The following CALN1 variants were observed in gnomAD, a reference collection of about 807,000 sequenced individuals.
CALN1 encodes the protein calcium-binding protein 8.
CALN1 carries 17 observed loss-of-function variants against 30.6 expected under a neutral mutation model. That is an observed-to-expected ratio of 0.56 (90% CI 0.38 to 0.83). The LOEUF is 0.83. CALN1 is among the 40% of genes least tolerant of loss of function. The probability of loss-of-function intolerance (pLI) is 0.00; values close to 1 mark genes in which losing one functional copy is unlikely to be tolerated. For missense variants in CALN1, 291 were observed against 354.9 expected (o/e 0.82, Z 1.45); for synonymous variants, 156 against 131.4 (o/e 1.19, Z -1.28).
At chr7:72,181,124 AT>A (rs34674449) in intron 3 of CALN1, among the ~76,000 whole-genome samples, 12 of 119,502 alleles carry the variant, frequency 1.0e-4, no homozygotes, top group Middle Eastern at 3.8e-3. Context: ...AAAAAAAAAA[AT>A]TTTTGGTACC....
intron 4 of CALN1, among the ~76,000 whole-genome samples, chr7:72,054,458 C>CAT (rs140183098): frequency 5.3e-4 from 68 of 129,040 alleles, no homozygotes; most frequent in African/African-American, 1.6e-3. Context: ...CATATATATA[C>CAT]ATATATATAC....
At chr7:72,472,500 C>T in the CALN1 span, among the ~76,000 whole-genome samples, 16 of 152,240 alleles carry the variant, frequency 1.1e-4, no homozygotes, top group South Asian at 1.9e-3. Flanking sequence ...AGGTGTGTCT[C>T]GAGGCCTGGC....
rs537589480 is a variant in CALN1 at position 72,184,476 on chromosome 7, T to C, written c.245-78182A>G. Among the ~76,000 whole-genome samples, 12 of 152,350 alleles carry C rather than the reference T, an allele frequency of 7.9e-5. No homozygotes were observed. The East Asian group carries it at 1.9e-3, about 24-fold the overall frequency. Reference sequence around the variant, plus strand: ...TGTATAATTTATGACATGTGAGCAATATAGGAGTTAACATAGTTAAGGTGC... The same window carrying C: ...TGTATAATTTATGACATGTGAGCAACATAGGAGTTAACATAGTTAAGGTGC... On this transcript the variant is annotated intron_variant, in intron 3 of 6. Transcript: ENST00000395275.
intron 5 of CALN1, among the ~76,000 whole-genome samples, chr7:71,909,043 G>T (rs13229182): frequency 0.086 from 13,047 of 152,188 alleles, 963 homozygotes; most frequent in East Asian, 0.42. Flanking sequence ...GGCAGACAAG[G>T]TCTTGCTCTG....
chr7:71,810,337 T>C lies in CALN1; in HGVS notation c.657A>G (p.Gly219=), dbSNP rs766033188. Residue 219 remains glycine, a splice_region_variant and synonymous_variant, in exon 6 of 7, where the codon GGA becomes GGG. Coordinates refer to ENST00000395275, the MANE Select transcript of CALN1 (RefSeq NM_031468.4). The part of the protein sequence containing the change: ...TSGNCQTEFE[G]VHSQKQNRQT... ...GGGGATGGCAGCAGGGGCACCTACC[T>C]CCTTCAAACTCTGTTTGGCAGTTCC... 15 of 1,613,584 alleles carry C rather than the reference T, an allele frequency of 9.3e-6. No individual in the cohort carries two copies. Among genetic ancestry groups the C allele is most frequent in the African/African-American group, 1.3e-5 (1 of 75,020 alleles).
At chr7:72,385,067 G>C (rs534564859) in intron 2 of CALN1, among the ~76,000 whole-genome samples, 3 of 152,152 alleles carry the variant, frequency 2.0e-5, no homozygotes, top group African/African-American at 7.2e-5. Flanking sequence ...GCTCAACAGC[G>C]CTCGTCATAG....
At chr7:72,056,414 A>C (rs534514429) in intron 4 of CALN1, among the ~76,000 whole-genome samples, 1 of 152,306 alleles carries the variant, frequency 6.6e-6, no homozygotes, top group African/African-American at 2.4e-5. Flanking sequence ...AAAGATAATA[A>C]ACATAAAAAA....
intron 2 of CALN1, among the ~76,000 whole-genome samples, chr7:72,346,918 G>C (rs1483667179): frequency 6.6e-6 from 1 of 152,192 alleles, no homozygotes; most frequent in Non-Finnish European, 1.5e-5. Flanking sequence ...ATTGGACACA[G>C]TAGAAGAGAT....
rs5884868 is a variant in CALN1 at position 71,989,440 on chromosome 7, T to TA, written c.501+34216dup. On this transcript the variant is annotated intron_variant, in intron 5 of 6. Coordinates refer to ENST00000395275, the MANE Select transcript of CALN1 (RefSeq NM_031468.4). ...GGCAACGGAGTGAGATTCCATCTAT[T>TA]AAAAAAAAAAAAAAAAAGATGATCA... 1.7e-3 allele frequency among the ~76,000 whole-genome samples: 236 copies of TA among 134,972 alleles called. No individual in the cohort carries two copies. The Middle Eastern group carries it at 0.02, about 12-fold the overall frequency. 88.5% of individuals were successfully genotyped at this position (134,972 alleles called of 152,430 possible). A position where few individuals can be genotyped will look rare whatever the true frequency, so the allele number is the denominator to read the frequency against.
intron 5 of CALN1, among the ~76,000 whole-genome samples, chr7:71,902,567 A>G (rs1793917528): frequency 1.3e-5 from 2 of 152,164 alleles, no homozygotes. Flanking sequence ...ACTTTTATGG[A>G]AAACAGTATG....
chr7:71,937,668 T>C (rs7801719), intron 5 of CALN1, among the ~76,000 whole-genome samples: 99,788 of 151,542 alleles, frequency 0.66, 33,173 homozygotes, highest in East Asian at 0.84. Context: ...TTTGTAGAGA[T>C]AGGGTCTCGC....
Position 72,331,211 on chromosome 7 carries a change from A to T in CALN1, c.120-52401T>A, listed in dbSNP as rs193136192. Among the ~76,000 whole-genome samples the T allele has an allele frequency of 8.9e-3, 1,356 of 152,172 alleles. 22 individuals are homozygous for T. The highest frequency in any genetic ancestry group is 0.031 in the African/African-American group (1,275 of 41,528). ...CTAAAAATACAAAAATTAGCCGGGC[A>T]TGGTGGCGGGAGCCCATAATCCCAG... is the stretch of plus-strand genomic sequence containing the variant. On this transcript the variant is annotated intron_variant, in intron 2 of 6. Transcript: ENST00000395275.
chr7:71,983,405 T>G (rs1584676448), intron 5 of CALN1, among the ~76,000 whole-genome samples: 1 of 152,156 alleles, frequency 6.6e-6, no homozygotes, highest in South Asian at 2.1e-4. Flanking sequence ...AAAATAAGGA[T>G]AGTACAAATG....
chr7:72,316,983 G>GAA (rs145761580), intron 2 of CALN1, among the ~76,000 whole-genome samples: 1 of 135,304 alleles, frequency 7.4e-6, no homozygotes, highest in Admixed American at 7.9e-5. Flanking sequence ...GAAAGGAAAG[G>GAA]AAAAAAAAAG....
chr7:72,109,742 A>G (rs1471849194), intron 3 of CALN1, among the ~76,000 whole-genome samples: 1 of 152,136 alleles, frequency 6.6e-6, no homozygotes, highest in Non-Finnish European at 1.5e-5. Context: ...CAGATCCCCA[A>G]TTGCCAAGGA....
chr7:72,120,954 C>A (rs1808332036), intron 3 of CALN1, among the ~76,000 whole-genome samples: 1 of 151,798 alleles, frequency 6.6e-6, no homozygotes, highest in Non-Finnish European at 1.5e-5. Context: ...AAAGGGCTCC[C>A]CTGAAAAGGG....
Position 72,212,180 on chromosome 7 carries a change from G to A in CALN1, c.244+66506C>T, listed in dbSNP as rs368434478. ...ATCCTGGCTAACAGTGAAACCCATCGCTACTAAAAATACAAAAAATTAACC... is the reference window on the plus strand; with the variant it reads ...ATCCTGGCTAACAGTGAAACCCATCACTACTAAAAATACAAAAAATTAACC... On this transcript the variant is annotated intron_variant, in intron 3 of 6. Coordinates refer to ENST00000395275, the MANE Select transcript of CALN1 (RefSeq NM_031468.4). Among the ~76,000 whole-genome samples, 258 of 151,836 alleles carry A rather than the reference G, an allele frequency of 1.7e-3. 2 individuals are homozygous for A. Among genetic ancestry groups the A allele is most frequent in the Middle Eastern group, 6.8e-3 (2 of 294 alleles).
intron 3 of CALN1, among the ~76,000 whole-genome samples, chr7:72,209,581 A>T (rs1239782419): frequency 1.3e-5 from 2 of 149,926 alleles, no homozygotes; most frequent in Non-Finnish European, 3.0e-5. Context: ...CTCTTTGCAA[A>T]CAATCAATGG....
chr7:72,472,800 A>G, the CALN1 span, among the ~76,000 whole-genome samples: 9 of 152,144 alleles, frequency 5.9e-5, no homozygotes, highest in African/African-American at 2.2e-4. Flanking sequence ...GAAAAAAGAA[A>G]GGTGTGTCAC....
Sources: allele counts gnomAD v4.1 joint callset (sites outside exome capture counted in the v4.1 genomes callset), GRCh38; gene constraint gnomAD v4.1.1; transcripts MANE v1.5; gene names NCBI Gene and HGNC (gene_info 2026-07-23, HGNC 2026-07-21).